CTSS: variants seen among roughly 807,000 people sequenced by gnomAD.
CTSS encodes the protein cathepsin S.
In CTSS, 15 loss-of-function variants were observed where a neutral mutation model predicts 39.9. The observed-to-expected ratio is 0.38, with a 90% CI of 0.25 to 0.58. The LOEUF (loss-of-function observed/expected upper bound fraction) is 0.58. Among genes scored for constraint, CTSS ranks in the 20% least tolerant of loss-of-function variants. The pLI is 0.70. For missense variants in CTSS, 250 were observed against 398.2 expected (o/e 0.63, Z 3.17); for synonymous variants, 126 against 138.2 (o/e 0.91, Z 0.62).
chr1:150,750,576 A>G (rs976760618), intron 5 of CTSS, among the ~76,000 whole-genome samples: 4 of 152,222 alleles, frequency 2.6e-5, no homozygotes, highest in African/African-American at 7.2e-5. Context: ...AAGTATTTCA[A>G]GTGGGAAAAG....
chr1:150,740,546 A>C (rs935112912), intron 7 of CTSS, among the ~76,000 whole-genome samples: 1 of 151,868 alleles, frequency 6.6e-6, no homozygotes, highest in Non-Finnish European at 1.5e-5. Flanking sequence ...ATGCGCCACC[A>C]CGCCTGGCTA....
rs1652551527 is a variant in CTSS, at chr1:150,732,774, A to G, written c.*272T>C. 1 of 251,110 alleles carries G rather than the reference A, an allele frequency of 4.0e-6. No individual in the cohort carries two copies. The highest frequency in any genetic ancestry group is 7.8e-6 in the Non-Finnish European group (1 of 128,444). 15.6% of individuals were successfully genotyped at this position (251,110 alleles called of 1,614,324 possible). A position where few individuals can be genotyped will look rare whatever the true frequency, so the allele number is the denominator to read the frequency against. ...AGGCATGCACCACCGTGCTCGGCTA[A>G]TTTTTTGTATTTTTAGTAGAGATGG... On this transcript the variant is annotated 3_prime_UTR_variant, in exon 8 of 8. Transcript: ENST00000368985.
chr1:150,746,694 A>G (rs1652902597), intron 7 of CTSS, among the ~76,000 whole-genome samples: 1 of 152,160 alleles, frequency 6.6e-6, no homozygotes, highest in South Asian at 2.1e-4. Flanking sequence ...AGAAGACAGG[A>G]TGTTCTAGGC....
intron 7 of CTSS, among the ~76,000 whole-genome samples, chr1:150,736,923 T>C (rs2101909555): frequency 6.6e-6 from 1 of 152,376 alleles, no homozygotes; most frequent in Admixed American, 6.5e-5. Context: ...ACTGTTCAAC[T>C]TTAGGTGAGT....
At chr1:150,740,645 G>A (rs587662893) in intron 7 of CTSS, among the ~76,000 whole-genome samples, 78 of 152,182 alleles carry the variant, frequency 5.1e-4, no homozygotes, top group Non-Finnish European at 8.8e-4. Flanking sequence ...ACCTGCCTTG[G>A]CCTCCCAAAG....
At chr1:150,753,707 T>A (rs780608908) in intron 4 of CTSS, among the ~76,000 whole-genome samples, 1 of 152,058 alleles carries the variant, frequency 6.6e-6, no homozygotes, top group Non-Finnish European at 1.5e-5. Flanking sequence ...CCCAGGACTT[T>A]GGGAGGTGGA....
chr1:150,738,490 AT>A (rs200199076), intron 7 of CTSS, among the ~76,000 whole-genome samples: 1,399 of 138,768 alleles, frequency 0.01, 4 homozygotes, highest in Middle Eastern at 0.015. Flanking sequence ...GTGATCAGTG[AT>A]TTTTTTTTTT....
At chr1:150,763,943 G>A (rs587689451) in intron 2 of CTSS, among the ~76,000 whole-genome samples, 2 of 151,976 alleles carry the variant, frequency 1.3e-5, no homozygotes, top group East Asian at 3.9e-4. Flanking sequence ...TTGCTCCCTG[G>A]CTTCCATCAA....
At chr1:150,741,895 A>G (rs1018556225) in intron 7 of CTSS, among the ~76,000 whole-genome samples, 5 of 149,498 alleles carry the variant, frequency 3.3e-5, no homozygotes, top group Admixed American at 2.0e-4. Context: ...GGGGGGGGGA[A>G]GAATATGAAC....
At chr1:150,752,033 C>T (rs753074875) in intron 4 of CTSS, 25 bp from the exon 5 acceptor site, 23 of 1,608,878 alleles carry the variant, frequency 1.4e-5, no homozygotes, top group South Asian at 1.3e-4. Context: ...AGGTCACAAA[C>T]GCAAATCACA....
chr1:150,742,500 G>A (rs1333354413), intron 7 of CTSS, among the ~76,000 whole-genome samples: 6 of 152,100 alleles, frequency 3.9e-5, no homozygotes, highest in Non-Finnish European at 7.4e-5. Context: ...AAATGTCTAA[G>A]GTTATGTTAA....
At chr1:150,760,074 G>A (rs1417533951) in intron 2 of CTSS, among the ~76,000 whole-genome samples, 2 of 151,452 alleles carry the variant, frequency 1.3e-5, no homozygotes, top group Non-Finnish European at 2.9e-5. Context: ...TATAAAGGTA[G>A]GATACGAATC....
chr1:150,734,411 C>T (rs1319013399), intron 7 of CTSS, among the ~76,000 whole-genome samples: 4 of 151,836 alleles, frequency 2.6e-5, no homozygotes, highest in African/African-American at 9.7e-5. Context: ...GAGGCAGAGA[C>T]GGGCAGATCA....
intron 4 of CTSS, 27 bp from the exon 5 acceptor site, chr1:150,752,035 C>G (rs1215845706): frequency 6.2e-7 from 1 of 1,608,278 alleles, no homozygotes; most frequent in African/African-American, 1.3e-5. Flanking sequence ...GTCACAAACG[C>G]AAATCACAGA....
intron 3 of CTSS, 32 bp downstream of exon 3, chr1:150,757,826 C>G: frequency 6.2e-7 from 1 of 1,602,158 alleles, no homozygotes; most frequent in Non-Finnish European, 8.5e-7. Flanking sequence ...TTTACCCAGA[C>G]GTGAAAGTGG....
rs191207833 is a variant in CTSS at position 150,755,631 on chromosome 1, T to C, written c.250-481A>G. Among the ~76,000 whole-genome samples, 76 of 152,060 alleles carry C rather than the reference T, an allele frequency of 5.0e-4. 1 individual carries two copies. The highest frequency in any genetic ancestry group is 2.4e-3 in the Admixed American group (37 of 15,276). On this transcript the variant is annotated intron_variant, in intron 3 of 7. Coordinates refer to ENST00000368985, the MANE Select transcript of CTSS (RefSeq NM_004079.5). ...GGTGCATGCCTGTAATCCCAGCTAT[T>C]TGGGAGGCTGAGGCAGGAGAATCAC...
intron 7 of CTSS, among the ~76,000 whole-genome samples, chr1:150,746,594 A>T (rs1014048799): frequency 6.6e-6 from 1 of 152,178 alleles, no homozygotes; most frequent in Non-Finnish European, 1.5e-5. Context: ...GAAAAAAGAC[A>T]TGTTCCTCAG....
intron 7 of CTSS, among the ~76,000 whole-genome samples, chr1:150,735,403 T>C (rs755931837): frequency 1.3e-5 from 2 of 152,234 alleles, no homozygotes; most frequent in Non-Finnish European, 2.9e-5. Flanking sequence ...GACACTACTA[T>C]GTTCTGATTT....
intron 6 of CTSS, 32 bp downstream of exon 6, chr1:150,749,974 A>T: frequency 1.3e-6 from 2 of 1,551,176 alleles, no homozygotes; most frequent in Non-Finnish European, 1.8e-6. Flanking sequence ...TTCTTTCTTT[A>T]AATTCTAATT....
Sources: allele counts gnomAD v4.1 joint callset (sites outside exome capture counted in the v4.1 genomes callset), GRCh38; gene constraint gnomAD v4.1.1; transcripts MANE v1.5; gene names NCBI Gene and HGNC (gene_info 2026-07-23, HGNC 2026-07-21).